The following ERICH3 variants were observed in gnomAD, a reference collection of about 807,000 sequenced individuals.
ERICH3 encodes glutamate rich 3, also known as glutamate-rich protein 3.
ERICH3 carries 126 observed loss-of-function variants against 131.1 expected under a neutral mutation model. That is an observed-to-expected ratio of 0.96 (90% confidence interval 0.83 to 1.11). ERICH3 has a LOEUF of 1.11. ERICH3 is among the 50% of genes most tolerant of loss of function. The pLI, the probability that ERICH3 is intolerant of heterozygous loss-of-function variation, is 0.00. For missense variants in ERICH3, 2,050 were observed against 1,810.7 expected (o/e 1.13, Z -2.40); for synonymous variants, 695 against 644.6 (o/e 1.08, Z -1.18).
Position 74,589,356 on chromosome 1 carries a change from T to G in ERICH3, c.2176+275A>C, listed in dbSNP as rs577695844. ...CTTCAGACACATACTGTGCTTTATT[T>G]CATTCCTGAGATGGAATTCCCATAG... On this transcript the variant is annotated intron_variant, in intron 12 of 14. Transcript: ENST00000326665. 4.7e-4 allele frequency: 255 copies of G among 541,582 alleles called. 3 individuals are homozygous for G. The East Asian group carries it at 7.2e-3, about 15-fold the overall frequency. The allele number at this position is 541,582 out of a possible 1,614,324, so 33.5% of individuals were successfully genotyped here.
Position 74,641,340 on chromosome 1 carries a change from C to T in ERICH3, c.435G>A (p.Pro145=), listed in dbSNP as rs370906098. The T allele has an allele frequency of 2.1e-5, 34 of 1,612,366 alleles. No homozygotes were observed. Among genetic ancestry groups the T allele is most frequent in the Admixed American group, 6.7e-5 (4 of 59,800 alleles). Residue 145 remains proline (P), a synonymous_variant, in exon 5 of 15, where the codon CCG becomes CCA. Transcript: ENST00000326665. ...GTTTAATATTACTCACCAGTGCTAA[C>T]GGACTGGAATGTCCTTCATCAACCA... ...SVLVDEGHSS[P]LALTAPRPYT... is the part of the protein sequence containing the mutation.
At chr1:74,570,609 T>C (rs964639718) in intron 14 of ERICH3, among the ~76,000 whole-genome samples, 170 bp from the exon 15 acceptor site, 3 of 152,202 alleles carry the variant, frequency 2.0e-5, no homozygotes, top group African/African-American at 7.2e-5. Flanking sequence ...ACGTATAGAA[T>C]GTAAAACATT....
intron 8 of ERICH3, among the ~76,000 whole-genome samples, chr1:74,617,122 A>G (rs905390395): frequency 5.3e-5 from 8 of 151,698 alleles, no homozygotes; most frequent in African/African-American, 1.9e-4. Flanking sequence ...TGAAGGCTAA[A>G]TTTCACAGAT....
At chr1:74,598,478 A>T (rs1278168281) in intron 11 of ERICH3, among the ~76,000 whole-genome samples, 2 of 151,912 alleles carry the variant, frequency 1.3e-5, no homozygotes, top group East Asian at 3.9e-4. Flanking sequence ...AATAAAAATT[A>T]AAAAGTTCTG....
rs764881709 is a variant in ERICH3 at position 74,673,502 on chromosome 1, G to A, written c.18C>T (p.Pro6=). 6 of 1,612,868 alleles carry A rather than the reference G, an allele frequency of 3.7e-6. No homozygotes were observed. The Admixed American group carries it at 5.0e-5, about 13-fold the overall frequency. Residue 6 remains proline (P), a synonymous_variant, in exon 1 of 15, where the codon CCC becomes CCT. Transcript: ENST00000326665. The part of the protein sequence containing the change: MSHSH[P]AGLLAAYNSL... ...AAGCTCCAGTTGTCACTTACCCAGC[G>A]GGGTGAGAATGGCTCATTTTTGCAG...
Position 74,571,183 on chromosome 1 carries a change from C to T in ERICH3, c.4527G>A (p.Lys1509=), listed in dbSNP as rs999997469. The T allele has an allele frequency of 6.2e-7, 1 of 1,614,152 alleles. No individual in the cohort carries two copies. The highest frequency in any genetic ancestry group is 8.5e-7 in the Non-Finnish European group (1 of 1,180,018). The change falls in exon 14 of 15, where the codon AAG becomes AAA. Residue 1509 remains lysine, a synonymous_variant. Transcript: ENST00000326665. ...TTTCTCCTTGCACCATATGCTGTTG[C>T]TTCTCTCGGGTTTCAGTGAAATCAG... ...VKPDFTETRE[K]QQHMVQGESE...
At chr1:74,598,263 A>G (rs1395759444) in intron 11 of ERICH3, among the ~76,000 whole-genome samples, 2 of 151,910 alleles carry the variant, frequency 1.3e-5, no homozygotes, top group African/African-American at 4.8e-5. Flanking sequence ...CATGGATTTT[A>G]TGGTCTCGCA....
chr1:74,605,245 G>C (rs186042300), intron 10 of ERICH3, among the ~76,000 whole-genome samples: 33 of 151,912 alleles, frequency 2.2e-4, no homozygotes, highest in Non-Finnish European at 4.1e-4. Context: ...AGAGAATTAG[G>C]GCCTTGCTCT....
chr1:74,647,910 A>T (rs967237365), intron 2 of ERICH3, among the ~76,000 whole-genome samples: 5 of 152,128 alleles, frequency 3.3e-5, no homozygotes, highest in Non-Finnish European at 5.9e-5. Context: ...ACCCACTTAC[A>T]GTCTTTGTGT....
At chr1:74,596,189 AC>A (rs1233619645) in intron 11 of ERICH3, among the ~76,000 whole-genome samples, 1 of 152,054 alleles carries the variant, frequency 6.6e-6, no homozygotes, top group Non-Finnish European at 1.5e-5. Context: ...CATCTTTCTT[AC>A]TAGAAAAAAA....
rs1646899392 is a variant in ERICH3 at position 74,568,593 on chromosome 1, T to A, written c.*1865A>T. The A allele has an allele frequency of 6.6e-6, 1 of 152,106 alleles. No homozygotes were observed. The highest frequency in any genetic ancestry group is 2.1e-4 in the South Asian group (1 of 4,822). The allele number at this position is 152,106 out of a possible 1,614,324, so 9.4% of individuals were successfully genotyped here. A position where few individuals can be genotyped will look rare whatever the true frequency, so the allele number is the denominator to read the frequency against. On this transcript the variant is annotated 3_prime_UTR_variant, in exon 15 of 15. Coordinates refer to ENST00000326665, the MANE Select transcript of ERICH3 (RefSeq NM_001002912.5). ...ATGTGCAGTGAGTAATATCCTTGAA[T>A]AGGGAGTAGGGCAGAGGGACTTCGT... is the stretch of plus-strand genomic sequence containing the variant.
intron 5 of ERICH3, 73 bp from the exon 6 acceptor site, chr1:74,636,511 A>T (rs557874624): frequency 7.1e-7 from 1 of 1,413,334 alleles, no homozygotes; most frequent in Non-Finnish European, 9.6e-7. Flanking sequence ...TAATAACCCA[A>T]TAAATTGCCT....
At chr1:74,648,873 G>A (rs1646507465) in intron 2 of ERICH3, among the ~76,000 whole-genome samples, 1 of 152,078 alleles carries the variant, frequency 6.6e-6, no homozygotes, top group African/African-American at 2.4e-5. Context: ...TTTTTCCGAA[G>A]ATGACAGTAA....
rs144730455 is a variant in ERICH3, at chr1:74,594,471, C to G, written c.1727-4391G>C. Among the ~76,000 whole-genome samples, 1,122 of 152,156 alleles carry G rather than the reference C, an allele frequency of 7.4e-3. 12 individuals are homozygous for G. Among genetic ancestry groups the G allele is most frequent in the African/African-American group, 0.025 (1,046 of 41,534 alleles). ...CATAACTGAGGTTCTGAGTTGTCCT[C>G]ACTTTCCTTCCAACTTACATAGATT... On this transcript the variant is annotated intron_variant, in intron 11 of 14. Transcript: ENST00000326665.
intron 12 of ERICH3, chr1:74,579,443 G>C (rs578224399): frequency 4.1e-6 from 4 of 985,314 alleles, no homozygotes; most frequent in East Asian, 1.1e-4. Context: ...TCTGTCTCAG[G>C]GATGTTATCA....
chr1:74,600,624 G>A (rs539003022), intron 10 of ERICH3, among the ~76,000 whole-genome samples: 1 of 151,894 alleles, frequency 6.6e-6, no homozygotes, highest in South Asian at 2.1e-4. Context: ...CTGCAGAGGT[G>A]CTATAAATCT....
Position 74,568,260 on chromosome 1 carries a change from T to C in ERICH3, c.*2198A>G, listed in dbSNP as rs1422276095. On this transcript the variant is annotated 3_prime_UTR_variant, in exon 15 of 15. Transcript: ENST00000326665. ...AATATCACAATACTGAATTTCACAG[T>C]TAAATTCACATGCAGATTGTAAAAT... 2 of 152,196 alleles carry C rather than the reference T, an allele frequency of 1.3e-5. No homozygotes were observed. Among genetic ancestry groups the C allele is most frequent in the African/African-American group, 4.8e-5 (2 of 41,472 alleles). The allele number at this position is 152,196 out of a possible 1,614,324, so 9.4% of individuals were successfully genotyped here.
At position 74,599,821 on chromosome 1, in the gene ERICH3, T is replaced by C; in HGVS notation, c.1600A>G (p.Lys534Glu). 1 of 1,612,456 alleles carries C rather than the reference T, an allele frequency of 6.2e-7. No homozygotes were observed. The highest frequency in any genetic ancestry group is 2.2e-5 in the East Asian group (1 of 44,814). ...TTTTCAGGGTCTAAATTATCTTTTT[T>C]ATCATCCAAAGGTGACTGCGGTATT... is the stretch of plus-strand genomic sequence containing the variant. ...NGIPQSPLDD[K>E]KDNLDPEKES... Residue 534 changes from lysine (K) to glutamate (E), a missense_variant, in exon 11 of 15, where the codon AAA becomes GAA. Transcript: ENST00000326665.
At chr1:74,665,078 G>T (rs146067798) in intron 1 of ERICH3, among the ~76,000 whole-genome samples, 1 of 152,130 alleles carries the variant, frequency 6.6e-6, no homozygotes, top group African/African-American at 2.4e-5. Context: ...ATTAGGTGAA[G>T]GTAAAAACCC....
Sources: gnomAD v4.1 joint callset for allele counts (sites outside exome capture counted in the v4.1 genomes callset) on GRCh38, gnomAD v4.1.1 for gene constraint, MANE v1.5 for transcripts, NCBI Gene and HGNC (gene_info 2026-07-23, HGNC 2026-07-21) for gene names.